The following CACNA1D variants were observed in gnomAD, a reference collection of about 807,000 sequenced individuals.
CACNA1D encodes calcium voltage-gated channel subunit alpha1 D, also known as voltage-dependent L-type calcium channel subunit alpha-1D.
CACNA1D carries 55 observed loss-of-function variants against 257.1 expected under a neutral mutation model. The ratio of observed to expected loss-of-function variants is 0.21; its 90% CI spans 0.17 to 0.27. The LOEUF (loss-of-function observed/expected upper bound fraction) is 0.27. CACNA1D is among the 10% of genes least tolerant of loss of function. The pLI is 1.00. For missense variants in CACNA1D, 1,876 were observed against 2,784.0 expected, an observed-to-expected ratio of 0.67 and a Z score of 7.34; for synonymous variants, 980 against 1,014.9, an observed-to-expected ratio of 0.97 and a Z score of 0.65.
chr3:53,522,855 T>A (rs1464640824), intron 3 of CACNA1D, among the ~76,000 whole-genome samples: 1 of 152,234 alleles, frequency 6.6e-6, no homozygotes, highest in Non-Finnish European at 1.5e-5. Flanking sequence ...TATCAAACAC[T>A]AGAGCTTATT....
At chr3:53,778,510 G>A (rs1282028920) in intron 37 of CACNA1D, among the ~76,000 whole-genome samples, 1 of 152,208 alleles carries the variant, frequency 6.6e-6, no homozygotes, top group Non-Finnish European at 1.5e-5. Context: ...ATATGGAAGA[G>A]AAAGAAAATC....
chr3:53,585,332 A>G (rs996997707), intron 3 of CACNA1D, among the ~76,000 whole-genome samples: 1 of 152,180 alleles, frequency 6.6e-6, no homozygotes, highest in Non-Finnish European at 1.5e-5. Context: ...AGGCTGGGGC[A>G]TTCATCAACA....
intron 14 of CACNA1D, 143 bp downstream of exon 14, chr3:53,724,142 T>G: frequency 2.7e-6 from 2 of 741,064 alleles, no homozygotes; most frequent in Non-Finnish European, 4.8e-6. Flanking sequence ...GTAAATTTTG[T>G]GCCATTTAAG....
At chr3:53,541,345 A>T (rs2092291682) in intron 3 of CACNA1D, among the ~76,000 whole-genome samples, 2 of 152,346 alleles carry the variant, frequency 1.3e-5, no homozygotes, top group South Asian at 4.1e-4. Context: ...TATTAATGAC[A>T]ATATGATTAC....
intron 3 of CACNA1D, among the ~76,000 whole-genome samples, chr3:53,647,110 T>C (rs2094029828): frequency 6.7e-6 from 1 of 149,544 alleles, no homozygotes; most frequent in African/African-American, 2.4e-5. Context: ...GCTTGAGTTC[T>C]CGTGGGCGGG....
At chr3:53,796,144 G>A (rs1186083643) in intron 40 of CACNA1D, 2 of 287,538 alleles carry the variant, frequency 7.0e-6, no homozygotes, top group Non-Finnish European at 1.4e-5. Context: ...TTTTCTAATG[G>A]AACTAGTCTA....
Position 53,494,949 on chromosome 3 carries a change from A to G in CACNA1D, c.-218A>G, listed in dbSNP as rs545998656. 1.3e-4 allele frequency: 75 copies of G among 576,396 alleles called. No individual in the cohort carries two copies. The highest frequency in any genetic ancestry group is 6.4e-4 in the African/African-American group (34 of 53,276). The allele number at this position is 576,396 out of a possible 1,614,324, so 35.7% of individuals were successfully genotyped here. A position where few individuals can be genotyped will look rare whatever the true frequency, so the allele number is the denominator to read the frequency against. ...AAAAGTTTATTTTGCTCCATTTTTGAAAAAGAGAGAGCTTGGGTGGCGAGC... is the reference window on the plus strand; with the variant it reads ...AAAAGTTTATTTTGCTCCATTTTTGGAAAAGAGAGAGCTTGGGTGGCGAGC... On this transcript the variant is annotated 5_prime_UTR_variant, in exon 1 of 48. Transcript: ENST00000350061.
At chr3:53,693,201 C>T (rs2108535618) in intron 8 of CACNA1D, among the ~76,000 whole-genome samples, 1 of 152,304 alleles carries the variant, frequency 6.6e-6, no homozygotes, top group South Asian at 2.1e-4. Context: ...CTGGAGAATG[C>T]TGTCCCAGGC....
At chr3:53,672,657 A>T (rs2094334018) in intron 7 of CACNA1D, among the ~76,000 whole-genome samples, 1 of 152,122 alleles carries the variant, frequency 6.6e-6, no homozygotes, top group African/African-American at 2.4e-5. Flanking sequence ...CCTGAAAATC[A>T]CTTATCAAGA....
intron 38 of CACNA1D, among the ~76,000 whole-genome samples, chr3:53,780,852 C>T (rs1688353100): frequency 6.6e-6 from 1 of 152,148 alleles, no homozygotes; most frequent in African/African-American, 2.4e-5. Context: ...CTCTCTGAGG[C>T]ACTGGTGGAG....
At chr3:53,704,808 C>G (rs558355562) in intron 9 of CACNA1D, among the ~76,000 whole-genome samples, 146 of 152,322 alleles carry the variant, frequency 9.6e-4, no homozygotes, top group African/African-American at 3.4e-3. Flanking sequence ...TTAGCTGTGT[C>G]CCCCAGGGAG....
chr3:53,798,738 C>T (rs1043462402), intron 40 of CACNA1D, among the ~76,000 whole-genome samples: 1 of 152,178 alleles, frequency 6.6e-6, no homozygotes, highest in Non-Finnish European at 1.5e-5. Flanking sequence ...TGTGACTTTA[C>T]ATTCTAAATT....
chr3:53,603,376 A>G (rs1207112810), intron 3 of CACNA1D, among the ~76,000 whole-genome samples: 1 of 152,188 alleles, frequency 6.6e-6, no homozygotes, highest in African/African-American at 2.4e-5. Context: ...ACCTTGGGCA[A>G]GTTTTGTAAC....
intron 3 of CACNA1D, among the ~76,000 whole-genome samples, chr3:53,646,351 A>T (rs944190294): frequency 6.6e-6 from 1 of 152,218 alleles, no homozygotes; most frequent in Non-Finnish European, 1.5e-5. Flanking sequence ...AAAAGGGTTT[A>T]TGGTAACTTA....
At chr3:53,663,525 C>A (rs1417799483) in intron 5 of CACNA1D, among the ~76,000 whole-genome samples, 1 of 152,158 alleles carries the variant, frequency 6.6e-6, no homozygotes, top group African/African-American at 2.4e-5. Flanking sequence ...TTCCTCACAA[C>A]CAATCCTAAT....
chr3:53,615,330 A>G (rs1395999271), intron 3 of CACNA1D, among the ~76,000 whole-genome samples: 1 of 152,240 alleles, frequency 6.6e-6, no homozygotes, highest in Non-Finnish European at 1.5e-5. Flanking sequence ...GCACCAGAGG[A>G]TCACCCGGGT....
chr3:53,633,164 T>G (rs1313467941), intron 3 of CACNA1D, among the ~76,000 whole-genome samples: 1 of 152,222 alleles, frequency 6.6e-6, no homozygotes, highest in African/African-American at 2.4e-5. Context: ...CATTATCTCA[T>G]GTACTCCTTT....
intron 3 of CACNA1D, among the ~76,000 whole-genome samples, chr3:53,612,046 C>T (rs2093589190): frequency 6.6e-6 from 1 of 152,158 alleles, no homozygotes; most frequent in Non-Finnish European, 1.5e-5. Flanking sequence ...ATCTTCATTT[C>T]TAGAAATTTC....
chr3:53,649,389 T>C (rs914181198), intron 3 of CACNA1D, among the ~76,000 whole-genome samples: 4 of 152,212 alleles, frequency 2.6e-5, no homozygotes, highest in Non-Finnish European at 4.4e-5. Context: ...GTGCTTTTTT[T>C]CCCCCTGGAA....
Sources: allele counts gnomAD v4.1 joint callset (sites outside exome capture counted in the v4.1 genomes callset), GRCh38; gene constraint gnomAD v4.1.1; transcripts MANE v1.5; gene names NCBI Gene and HGNC (gene_info 2026-07-23, HGNC 2026-07-21).